Variants in SNRPC observed in about 807,000 individuals in gnomAD.
The protein encoded by SNRPC is U1 small nuclear ribonucleoprotein C.
Under a neutral mutation model 20.0 loss-of-function variants are expected in SNRPC, and 5 were observed. That is an observed-to-expected ratio of 0.25 (90% confidence interval 0.13 to 0.53). The LOEUF (loss-of-function observed/expected upper bound fraction) is 0.53, where lower values mean the gene tolerates loss of function less well. Among genes scored for constraint, SNRPC ranks in the 20% least tolerant of loss-of-function variants. The pLI, the probability that SNRPC is intolerant of heterozygous loss-of-function variation, is 0.96. For missense variants in SNRPC, 112 were observed against 224.1 expected, an observed-to-expected ratio of 0.50 and a Z score of 3.19; for synonymous variants, 61 against 58.7, an observed-to-expected ratio of 1.04 and a Z score of -0.18.
chr6:34,760,703 T>C (rs1751077999), intron 2 of SNRPC, among the ~76,000 whole-genome samples: 1 of 152,004 alleles, frequency 6.6e-6, no homozygotes, highest in Non-Finnish European at 1.5e-5. Flanking sequence ...CTTGCAAAAA[T>C]AGAAAATGTC....
Position 34,773,588 on chromosome 6 carries a change from T to A in SNRPC, c.*18T>A, listed in dbSNP as rs1449511574. On this transcript the variant is annotated 3_prime_UTR_variant, in exon 6 of 6. Transcript: ENST00000244520. This position sits in a 1 kb window ranked among gnomAD's most constrained non-coding sequence, Gnocchi z 4.1. ...ACAGATAAGGATAGAGGGGAGGCCT[T>A]ATTGTATCGGTTTTATATTACCTGT... The A allele has an allele frequency of 6.2e-7, 1 of 1,611,388 alleles. No homozygotes were observed. The highest frequency in any genetic ancestry group is 8.5e-7 in the Non-Finnish European group (1 of 1,178,606).
intron 2 of SNRPC, among the ~76,000 whole-genome samples, chr6:34,759,763 T>C (rs1764509084): frequency 2.0e-5 from 3 of 152,192 alleles, no homozygotes. Flanking sequence ...ATGAAAACAC[T>C]TTGACCTTGC....
chr6:34,767,686 T>C (rs1259370967), intron 3 of SNRPC, among the ~76,000 whole-genome samples: 1 of 152,152 alleles, frequency 6.6e-6, no homozygotes, highest in East Asian at 1.9e-4. Context: ...AAATGCTAAG[T>C]AGAAAACATA....
intron 3 of SNRPC, among the ~76,000 whole-genome samples, chr6:34,763,711 T>A (rs1764572430): frequency 6.6e-6 from 1 of 150,674 alleles, no homozygotes; most frequent in Non-Finnish European, 1.5e-5. Flanking sequence ...TTGTATTTTT[T>A]ATTTATTTTT....
chr6:34,758,141 A>G (rs551110198), intron 2 of SNRPC, among the ~76,000 whole-genome samples, 187 bp downstream of exon 2: 61 of 152,274 alleles, frequency 4.0e-4, no homozygotes, highest in Non-Finnish European at 7.5e-4. Flanking sequence ...CTGCTTAACA[A>G]GTCAGGCATG....
intron 1 of SNRPC, 153 bp downstream of exon 1, chr6:34,757,704 A>AC: frequency 7.2e-7 from 1 of 1,382,518 alleles, no homozygotes; most frequent in South Asian, 1.2e-5. Flanking sequence ...AGCGCTAGAC[A>AC]CCCCATTTTA....
intron 4 of SNRPC, 50 bp downstream of exon 4, chr6:34,768,047 T>C: frequency 1.3e-6 from 2 of 1,541,356 alleles, no homozygotes; most frequent in Non-Finnish European, 1.8e-6. Flanking sequence ...AGGCTATCCT[T>C]TGATTAGGTT....
intron 2 of SNRPC, among the ~76,000 whole-genome samples, chr6:34,761,179 G>A (rs1171107419): frequency 2.0e-5 from 3 of 151,232 alleles, no homozygotes; most frequent in Non-Finnish European, 2.9e-5. Flanking sequence ...TCACTGTGTT[G>A]CCCAGGCTGG....
At chr6:34,760,111 CT>C (rs201265600) in intron 2 of SNRPC, among the ~76,000 whole-genome samples, 29,525 of 123,244 alleles carry the variant, frequency 0.24, 2,801 homozygotes, top group African/African-American at 0.37. Flanking sequence ...TGTATATTAT[CT>C]TTTTTTTTTT....
At chr6:34,769,300 G>T (rs1232680297) in intron 4 of SNRPC, among the ~76,000 whole-genome samples, 4 of 146,200 alleles carry the variant, frequency 2.7e-5, no homozygotes. Flanking sequence ...CACGATCTCA[G>T]CTCACTGCAA....
At chr6:34,757,705 C>T in intron 1 of SNRPC, 154 bp downstream of exon 1, 2 of 1,394,394 alleles carry the variant, frequency 1.4e-6, no homozygotes, top group South Asian at 1.2e-5. Flanking sequence ...GCGCTAGACA[C>T]CCCATTTTAG....
At position 34,773,598 on chromosome 6, in the gene SNRPC, G is replaced by A; in HGVS notation, c.*28G>A. 3 of 1,607,046 alleles carry A rather than the reference G, an allele frequency of 1.9e-6. No homozygotes were observed. In the South Asian group the frequency reaches 3.3e-5, roughly 18 times the overall value. On this transcript the variant is annotated 3_prime_UTR_variant, in exon 6 of 6. Coordinates refer to ENST00000244520, the MANE Select transcript of SNRPC (RefSeq NM_003093.3). This position sits in a 1 kb window ranked among gnomAD's most constrained non-coding sequence, Gnocchi z 4.1. ...ATAGAGGGGAGGCCTTATTGTATCG[G>A]TTTTATATTACCTGTTCTGCTTCAC...
At chr6:34,761,068 A>C (rs925462280) in intron 2 of SNRPC, among the ~76,000 whole-genome samples, 53 of 151,506 alleles carry the variant, frequency 3.5e-4, no homozygotes, top group African/African-American at 5.1e-4. Flanking sequence ...AAAAAAAAAA[A>C]CAACAAAAAA....
intron 4 of SNRPC, 40 bp from the exon 5 acceptor site, chr6:34,770,251 G>T (rs1764669641): frequency 3.0e-6 from 4 of 1,351,728 alleles, no homozygotes; most frequent in Non-Finnish European, 4.2e-6. Flanking sequence ...ATGTTAATAT[G>T]TGAGCACACC....
At chr6:34,767,120 A>G (rs1764623561) in intron 3 of SNRPC, among the ~76,000 whole-genome samples, 1 of 152,230 alleles carries the variant, frequency 6.6e-6, no homozygotes. Context: ...TGTTTTAAAT[A>G]TCCTAGTTTA....
At chr6:34,772,038 G>GT (rs1375884678) in intron 5 of SNRPC, among the ~76,000 whole-genome samples, 2 of 152,100 alleles carry the variant, frequency 1.3e-5, no homozygotes, top group African/African-American at 2.4e-5. Flanking sequence ...TTTGTTTTCT[G>GT]TTTTTTCAAA....
intron 1 of SNRPC, 32 bp from the exon 2 acceptor site, chr6:34,757,877 TGTC>T (rs771270586): frequency 6.9e-7 from 1 of 1,450,074 alleles, no homozygotes. Flanking sequence ...TCTCAGTGGT[TGTC>T]GTCTTTTTCT....
intron 5 of SNRPC, among the ~76,000 whole-genome samples, chr6:34,771,399 C>A (rs1407235612): frequency 1.3e-5 from 2 of 151,536 alleles, no homozygotes; most frequent in African/African-American, 4.8e-5. Context: ...AACCAGCAAG[C>A]CATAACTATA....
At chr6:34,767,517 A>G (rs1385208986) in intron 3 of SNRPC, among the ~76,000 whole-genome samples, 2 of 152,158 alleles carry the variant, frequency 1.3e-5, no homozygotes, top group African/African-American at 2.4e-5. Context: ...GGGAGGATGA[A>G]TTGAGAGGGT....
Sources: allele counts gnomAD v4.1 joint callset (sites outside exome capture counted in the v4.1 genomes callset), GRCh38; gene constraint gnomAD v4.1.1; non-coding constraint Gnocchi (gnomAD v3.1); transcripts MANE v1.5; gene names NCBI Gene and HGNC (gene_info 2026-07-23, HGNC 2026-07-21).